Variants in SLC4A4 observed in about 807,000 individuals in gnomAD.
The protein encoded by SLC4A4 is electrogenic sodium bicarbonate cotransporter 1.
SLC4A4 carries 27 observed loss-of-function variants against 111.5 expected under a neutral mutation model. The ratio of observed to expected loss-of-function variants is 0.24; its 90% CI spans 0.18 to 0.33. The LOEUF is 0.33. SLC4A4 is among the 10% of genes least tolerant of loss of function. The probability of loss-of-function intolerance (pLI) is 1.00; values close to 1 mark genes in which losing one functional copy is unlikely to be tolerated. For synonymous variants in SLC4A4, 443 were observed against 463.4 expected, an observed-to-expected ratio of 0.96 and a Z score of 0.57; for missense variants, 909 against 1,315.5, an observed-to-expected ratio of 0.69 and a Z score of 4.78.
intron 7 of SLC4A4, among the ~76,000 whole-genome samples, chr4:71,416,523 A>G (rs912526498): frequency 1.3e-5 from 2 of 152,176 alleles, no homozygotes; most frequent in African/African-American, 4.8e-5. Flanking sequence ...AAACTGCAGA[A>G]GCAAAACCTT....
intron 1 of SLC4A4, among the ~76,000 whole-genome samples, chr4:71,063,542 ATTGT>A (rs201611164): frequency 0.013 from 2,048 of 152,196 alleles, 52 homozygotes; most frequent in African/African-American, 0.047. Flanking sequence ...AATTACAATA[ATTGT>A]TTGTACCTGG....
chr4:71,562,759 A>G (rs1158606588), intron 23 of SLC4A4, among the ~76,000 whole-genome samples: 1 of 151,642 alleles, frequency 6.6e-6, no homozygotes, highest in Admixed American at 6.6e-5. Flanking sequence ...ATTTAAGATT[A>G]ATATTGTTTA....
intron 2 of SLC4A4, among the ~76,000 whole-genome samples, chr4:71,175,771 A>G (rs1745076035): frequency 1.3e-5 from 2 of 152,182 alleles, no homozygotes; most frequent in Admixed American, 1.3e-4. Flanking sequence ...AGCCAAACAA[A>G]AGGCAGCAGA....
intron 16 of SLC4A4, among the ~76,000 whole-genome samples, chr4:71,531,125 C>T (rs1290450213): frequency 1.3e-5 from 2 of 152,230 alleles, no homozygotes; most frequent in African/African-American, 4.8e-5. Context: ...GTATGGGAAG[C>T]TCAGGTATCT....
intron 2 of SLC4A4, among the ~76,000 whole-genome samples, chr4:71,158,009 T>G (rs898162511): frequency 1.3e-5 from 2 of 151,994 alleles, no homozygotes; most frequent in African/African-American, 4.8e-5. Flanking sequence ...ATGGTGTTTA[T>G]AAGAGGAAGA....
rs116617809 is a variant in SLC4A4, at chr4:71,372,445, A to G, written c.730+15258A>G. 5.7e-3 allele frequency among the ~76,000 whole-genome samples: 867 copies of G among 152,364 alleles called. 8 individuals are homozygous for G. The highest frequency in any genetic ancestry group is 0.02 in the Middle Eastern group (6 of 294). On this transcript the variant is annotated intron_variant, in intron 6 of 25. Coordinates refer to ENST00000264485, the MANE Select transcript of SLC4A4 (RefSeq NM_001098484.3). The stretch of plus-strand genomic sequence containing the variant: ...TTAATACCCACCTAAATGCCTTGCC[A>G]TTATTAGAGCATAAGAACATACCCT...
At chr4:71,425,153 C>T (rs983969743) in intron 7 of SLC4A4, among the ~76,000 whole-genome samples, 1 of 152,070 alleles carries the variant, frequency 6.6e-6, no homozygotes, top group Non-Finnish European at 1.5e-5. Context: ...TTTGTCCAGG[C>T]TATTCAGGAA....
intron 16 of SLC4A4, among the ~76,000 whole-genome samples, chr4:71,508,917 G>C (rs1384593222): frequency 6.6e-6 from 1 of 152,160 alleles, no homozygotes; most frequent in African/African-American, 2.4e-5. Flanking sequence ...GATCAAGTAG[G>C]CTTCATCTCT....
chr4:71,067,720 G>T (rs533306764), intron 1 of SLC4A4, among the ~76,000 whole-genome samples: 4 of 151,944 alleles, frequency 2.6e-5, no homozygotes, highest in African/African-American at 4.8e-5. Flanking sequence ...CTTAAATTGG[G>T]GTATAGTTTA....
At chr4:71,519,529 C>A (rs1312038421) in intron 16 of SLC4A4, among the ~76,000 whole-genome samples, 1 of 152,180 alleles carries the variant, frequency 6.6e-6, no homozygotes, top group Admixed American at 6.5e-5. Context: ...CAGTGTGTAA[C>A]TGTGTAGGTT....
At chr4:71,551,565 C>T (rs1735997901) in intron 20 of SLC4A4, among the ~76,000 whole-genome samples, 1 of 151,834 alleles carries the variant, frequency 6.6e-6, no homozygotes, top group South Asian at 2.1e-4. Context: ...TAATGACTTA[C>T]CAGGTTACAA....
intron 21 of SLC4A4, among the ~76,000 whole-genome samples, chr4:71,556,701 A>T (rs1436331456): frequency 6.6e-6 from 1 of 151,936 alleles, no homozygotes; most frequent in Non-Finnish European, 1.5e-5. Context: ...TAATTTGTAA[A>T]GAAATTTTGT....
chr4:71,386,709 G>T (rs554358887), intron 6 of SLC4A4, among the ~76,000 whole-genome samples: 1 of 152,012 alleles, frequency 6.6e-6, no homozygotes, highest in Non-Finnish European at 1.5e-5. Context: ...TGTGGATACA[G>T]TATCTTCTTA....
chr4:71,271,732 G>A (rs1011661815), intron 3 of SLC4A4, among the ~76,000 whole-genome samples: 4 of 152,198 alleles, frequency 2.6e-5, no homozygotes, highest in Admixed American at 2.6e-4. Flanking sequence ...TGAAGATAAT[G>A]CTCTCAACAA....
chr4:71,547,570 G>T, intron 19 of SLC4A4, 78 bp from the exon 20 acceptor site: 1 of 1,201,374 alleles, frequency 8.3e-7, no homozygotes, highest in Non-Finnish European at 1.2e-6. Context: ...TCAATGTGTA[G>T]TTTTTTTGAA....
intron 6 of SLC4A4, among the ~76,000 whole-genome samples, chr4:71,389,062 G>C (rs1719025502): frequency 6.6e-6 from 1 of 152,136 alleles, no homozygotes; most frequent in Non-Finnish European, 1.5e-5. Context: ...TAAAAAACAG[G>C]AATGAACAGG....
chr4:71,398,624 T>C (rs1720062907), intron 7 of SLC4A4, among the ~76,000 whole-genome samples: 1 of 152,142 alleles, frequency 6.6e-6, no homozygotes, highest in Non-Finnish European at 1.5e-5. Flanking sequence ...AAAAAAATCA[T>C]AGAAATCCTA....
rs368470295 is a variant in SLC4A4 at position 71,068,167 on chromosome 4, T to C, written c.-65+5379T>C. 1.6e-4 allele frequency among the ~76,000 whole-genome samples: 24 copies of C among 148,910 alleles called. 1 individual carries two copies. The South Asian group carries it at 5.1e-3, about 32-fold the overall frequency. On this transcript the variant is annotated intron_variant, in intron 1 of 26. Coordinates refer to the SLC4A4 transcript ENST00000649996. ...GCAACCTCTGCCTCTCAGGTTCAAG[T>C]GATTCTCCTGCCTCAGCCACCCGAG...
At chr4:71,212,524 T>C (rs1718195280) in intron 1 of SLC4A4, among the ~76,000 whole-genome samples, 2 of 152,098 alleles carry the variant, frequency 1.3e-5, no homozygotes, top group Admixed American at 1.3e-4. Flanking sequence ...AACCAGATGG[T>C]CACTAAGACC....
Sources: allele counts gnomAD v4.1 joint callset (sites outside exome capture counted in the v4.1 genomes callset), GRCh38; gene constraint gnomAD v4.1.1; transcripts MANE v1.5; gene names NCBI Gene and HGNC (gene_info 2026-07-23, HGNC 2026-07-21).